INO80E: variants seen among roughly 807,000 people sequenced by gnomAD.
INO80E encodes the protein coiled-coil domain containing 95.
Under a neutral mutation model 27.3 loss-of-function variants are expected in INO80E, and 20 were observed. That is an observed-to-expected ratio of 0.73 (90% CI 0.51 to 1.06). The LOEUF is 1.06. INO80E is among the 50% of genes least tolerant of loss of function. The pLI is 0.00. For synonymous variants in INO80E, 167 were observed against 145.9 expected, an observed-to-expected ratio of 1.14 and a Z score of -1.04; for missense variants, 357 against 322.8, an observed-to-expected ratio of 1.11 and a Z score of -0.81.
chr16:30,005,022 A>G (rs2070506499), intron 6 of INO80E, among the ~76,000 whole-genome samples, 199 bp from the exon 7 acceptor site: 1 of 151,740 alleles, frequency 6.6e-6, no homozygotes, highest in Non-Finnish European at 1.5e-5. Context: ...TCTCACCTCT[A>G]TCACCACCCC....
intron 1 of INO80E, 55 bp downstream of exon 1, chr16:29,996,446 TCA>T: frequency 6.4e-7 from 1 of 1,554,600 alleles, no homozygotes; most frequent in Non-Finnish European, 8.7e-7. Flanking sequence ...GGACAAGATC[TCA>T]GTTTACCCAG....
intron 1 of INO80E, 21 bp from the exon 2 acceptor site, chr16:29,996,526 C>T (rs1220005517): frequency 6.4e-7 from 1 of 1,557,688 alleles, no homozygotes; most frequent in East Asian, 2.4e-5. Flanking sequence ...TGGCCCAGCG[C>T]ACCCCTTGCC....
chr16:29,996,664 C>A (rs763662275), intron 2 of INO80E, 47 bp downstream of exon 2: 3 of 1,583,106 alleles, frequency 1.9e-6, no homozygotes, highest in Non-Finnish European at 2.6e-6. Flanking sequence ...CCTAGGAAAT[C>A]TACATTCGGA....
intron 5 of INO80E, 26 bp from the exon 6 acceptor site, chr16:30,001,388 A>G: frequency 6.4e-7 from 1 of 1,559,126 alleles, no homozygotes; most frequent in East Asian, 2.4e-5. Context: ...TCCGCCTCCC[A>G]TCTCCATCCC....
Position 30,005,309 on chromosome 16 carries a change from C to CA in INO80E, c.602_603insA (p.Leu203ProfsTer5). On this transcript the variant is annotated frameshift_variant, in exon 7 of 7. Coordinates refer to ENST00000563197, the MANE Select transcript of INO80E (RefSeq NM_173618.3). LOFTEE classifies it high-confidence loss of function. ...GGGGCTGGGGTCGGGACAACCCTGACCCCCCTCCCACCCCCTAAGATGCCC... is the reference window on the plus strand; with the variant it reads ...GGGGCTGGGGTCGGGACAACCCTGACACCCCCTCCCACCCCCTAAGATGCCC... 14 of 529,322 alleles carry CA rather than the reference C, an allele frequency of 2.6e-5. No homozygotes were observed. The highest frequency in any genetic ancestry group is 1.0e-4 in the South Asian group (4 of 38,892). The allele number at this position is 529,322 out of a possible 1,614,324, so 32.8% of individuals were successfully genotyped here.
At chr16:30,000,512 C>T (rs2070307537) in intron 3 of INO80E, among the ~76,000 whole-genome samples, 2 of 152,174 alleles carry the variant, frequency 1.3e-5, no homozygotes, top group South Asian at 4.1e-4. Flanking sequence ...TACAAGCACA[C>T]GCCACCATGC....
intron 3 of INO80E, among the ~76,000 whole-genome samples, chr16:29,997,916 T>A (rs569711316): frequency 2.0e-5 from 3 of 151,620 alleles, no homozygotes; most frequent in Non-Finnish European, 4.4e-5. Flanking sequence ...TGAGACCCCA[T>A]CTCAATTAAA....
chr16:30,005,606 G>A lies in INO80E; in HGVS notation c.*164G>A, dbSNP rs2070551049. The A allele has an allele frequency of 1.3e-5, 9 of 701,566 alleles. No individual in the cohort carries two copies. The highest frequency in any genetic ancestry group is 2.1e-5 in the Non-Finnish European group (9 of 420,412). The allele number at this position is 701,566 out of a possible 1,614,324, so 43.5% of individuals were successfully genotyped here. A position where few individuals can be genotyped will look rare whatever the true frequency, so the allele number is the denominator to read the frequency against. On this transcript the variant is annotated 3_prime_UTR_variant, in exon 7 of 7. Coordinates refer to ENST00000563197, the MANE Select transcript of INO80E (RefSeq NM_173618.3). ...AAACATGCACGGGTGTCCCCCAGGA[G>A]GGTGGCAGGGGCCCTGCCTTCAAAC...
chr16:29,999,571 C>G (rs965202805), intron 3 of INO80E: 2 of 152,246 alleles, frequency 1.3e-5, no homozygotes, highest in African/African-American at 4.8e-5. Flanking sequence ...CTTAAAGGGT[C>G]TGTCTGAGCA....
In INO80E at chr16:29,996,557, G is replaced by A; in HGVS notation, c.92G>A (p.Cys31Tyr). ...KLKFLIYEHE[C>Y]FQEELRKAQR... ...TTGCCCGTGATACAGGAGCACGAGT[G>A]CTTCCAGGAGGAGCTGAGGAAAGCG... The change falls in exon 2 of 7, where the codon TGC (cysteine) becomes TAC (tyrosine). Residue 31 changes from cysteine (C) to tyrosine (Y), a missense_variant. Physicochemically the swap from Cys to Tyr is radical, Grantham distance 194. Transcript: ENST00000563197. 1 of 1,566,738 alleles carries A rather than the reference G, an allele frequency of 6.4e-7. No individual in the cohort carries two copies. Among genetic ancestry groups the A allele is most frequent in the Non-Finnish European group, 8.7e-7 (1 of 1,155,722 alleles).
rs1396563445 is a variant in INO80E, at chr16:30,001,401, C to T, written c.397-13C>T. On this transcript the variant is annotated splice_polypyrimidine_tract_variant and intron_variant, in intron 5 of 6. Transcript: ENST00000563197. The stretch of plus-strand genomic sequence containing the variant: ...ATTCCGCCTCCCATCTCCATCCCCG[C>T]TCCCGCCCGCAGCTGGCCTCCTCCC... 7.0e-6 allele frequency: 11 copies of T among 1,577,452 alleles called. No homozygotes were observed. The highest frequency in any genetic ancestry group is 9.5e-6 in the Non-Finnish European group (11 of 1,159,956).
chr16:30,005,150 GC>G (rs1392665644), intron 6 of INO80E, 70 bp from the exon 7 acceptor site: 2 of 1,408,724 alleles, frequency 1.4e-6, no homozygotes, highest in Non-Finnish European at 1.8e-6. Context: ...GCCCTGGGGG[GC>G]AAAGCCTAGT....
chr16:30,000,311 G>A (rs1215097165), intron 3 of INO80E, among the ~76,000 whole-genome samples: 1 of 152,128 alleles, frequency 6.6e-6, no homozygotes, highest in East Asian at 1.9e-4. Context: ...AGTGTGTGGT[G>A]CATGCGTGTG....
In INO80E at chr16:29,996,571, C is replaced by T; in HGVS notation, c.106C>T (p.Leu36=). ...IYEHECFQEE[L]RKAQRKLLKV... is the part of the protein sequence containing the mutation. ...GGAGCACGAGTGCTTCCAGGAGGAG[C>T]TGAGGAAAGCGCAAAGGAAATTACT... The change falls in exon 2 of 7, where the codon CTG becomes TTG. Residue 36 remains leucine, a synonymous_variant. Transcript: ENST00000563197. 1.3e-6 allele frequency: 2 copies of T among 1,571,622 alleles called. No homozygotes were observed. The highest frequency in any genetic ancestry group is 1.7e-6 in the Non-Finnish European group (2 of 1,158,474).
rs1209834703 is a variant in INO80E at position 29,996,247 on chromosome 16, G to C, written c.-64G>C. ...CGTCTCCGGAAGTGGAGGCGGGAGC[G>C]GCACGGCAGCCACTGCTTGGGGTAG... On this transcript the variant is annotated 5_prime_UTR_variant, in exon 1 of 7. Transcript: ENST00000563197. 2.0e-6 allele frequency: 3 copies of C among 1,471,512 alleles called. No individual in the cohort carries two copies. Among genetic ancestry groups the C allele is most frequent in the Non-Finnish European group, 2.8e-6 (3 of 1,076,274 alleles). The allele number at this position is 1,471,512 out of a possible 1,614,324, so 91.2% of individuals were successfully genotyped here.
chr16:30,000,648 A>T lies in INO80E; in HGVS notation c.206-110A>T, dbSNP rs2070312279. On this transcript the variant is annotated intron_variant, in intron 3 of 6. Coordinates refer to ENST00000563197, the MANE Select transcript of INO80E (RefSeq NM_173618.3). ...TCACAGTGCTGGGATTCCAGGCGTG[A>T]GCCCCCGCACCTGGTCTTCCAGTGC... The T allele has an allele frequency of 1.8e-5, 15 of 828,892 alleles. No individual in the cohort carries two copies. In the South Asian group the frequency reaches 2.4e-4, roughly 13 times the overall value. 51.3% of individuals were successfully genotyped at this position (828,892 alleles called of 1,614,324 possible). A position where few individuals can be genotyped will look rare whatever the true frequency, so the allele number is the denominator to read the frequency against.
Position 30,005,383 on chromosome 16 carries a change from G to T in INO80E, c.676G>T (p.Gly226Cys), listed in dbSNP as rs1201540870. ...TVPRQMFSDA[G>C]SGDDALDGDD... The stretch of plus-strand genomic sequence containing the variant: ...CCCTCGGCAGATGTTCAGCGATGCA[G>T]GTAGCGGGGACGATGCCTTGGATGG... Residue 226 changes from glycine to cysteine, a missense_variant, in exon 7 of 7, where the codon GGT becomes TGT. Transcript: ENST00000563197. 1.3e-6 allele frequency: 2 copies of T among 1,595,656 alleles called. No individual in the cohort carries two copies. Among genetic ancestry groups the T allele is most frequent in the South Asian group, 2.3e-5 (2 of 88,544 alleles).
In INO80E at chr16:30,005,504, C is replaced by G. The variant is rs556440077; in HGVS notation, c.*62C>G. The G allele has an allele frequency of 4.1e-6, 6 of 1,453,798 alleles. No homozygotes were observed. In the Admixed American group the frequency reaches 6.1e-5, roughly 15 times the overall value. 90.1% of individuals were successfully genotyped at this position (1,453,798 alleles called of 1,614,324 possible). The stretch of plus-strand genomic sequence containing the variant: ...GGCGCCCTCCCCGTGCCAGCACACA[C>G]GAGTCCAGCTTCCTCGGAGGTGTTT... On this transcript the variant is annotated 3_prime_UTR_variant, in exon 7 of 7. Coordinates refer to ENST00000563197, the MANE Select transcript of INO80E (RefSeq NM_173618.3).
intron 3 of INO80E, among the ~76,000 whole-genome samples, chr16:29,997,074 G>A (rs2070151568): frequency 6.6e-6 from 1 of 152,230 alleles, no homozygotes; most frequent in South Asian, 2.1e-4. Context: ...GGATACAGCA[G>A]AGGCAGAGAT....
Sources: allele counts gnomAD v4.1 joint callset (sites outside exome capture counted in the v4.1 genomes callset), GRCh38; gene constraint gnomAD v4.1.1; transcripts MANE v1.5; gene names NCBI Gene and HGNC (gene_info 2026-07-23, HGNC 2026-07-21).